Variants in TPO observed in about 807,000 individuals in gnomAD.
TPO encodes thyroid peroxidase, also known as thyroid microsomal antigen.
TPO carries 78 observed loss-of-function variants against 96.9 expected under a neutral mutation model. That is an observed-to-expected ratio of 0.81 (90% CI 0.67 to 0.97). The LOEUF (loss-of-function observed/expected upper bound fraction) is 0.97, where lower values mean the gene tolerates loss of function less well. Ranked by LOEUF, TPO falls within the 50% of genes least tolerant of loss-of-function variation. The pLI, the probability that TPO is intolerant of heterozygous loss-of-function variation, is 0.00. For missense variants in TPO, 1,252 were observed against 1,274.8 expected (o/e 0.98, Z 0.27); for synonymous variants, 547 against 538.0 (o/e 1.02, Z -0.23).
At chr2:1,514,624 C>T (rs948112559) in intron 14 of TPO, among the ~76,000 whole-genome samples, 14 of 152,186 alleles carry the variant, frequency 9.2e-5, no homozygotes, top group South Asian at 2.1e-4. Flanking sequence ...AAAGCCACTC[C>T]GGCAGCAGCC....
chr2:1,540,785 G>GTC (rs1680662320), intron 16 of TPO, 62 bp downstream of exon 16: 1 of 1,612,692 alleles, frequency 6.2e-7, no homozygotes, highest in African/African-American at 1.3e-5. Flanking sequence ...GGATCTGGGT[G>GTC]TCGGAGCAGC....
intron 15 of TPO, among the ~76,000 whole-genome samples, chr2:1,527,427 G>A (rs1340971063): frequency 4.4e-4 from 13 of 29,788 alleles, no homozygotes; most frequent in Admixed American, 2.1e-3. Flanking sequence ...CAAATCCTCC[G>A]CCACTGTGAG....
chr2:1,512,363 C>T, intron 14 of TPO: 1 of 983,350 alleles, frequency 1.0e-6, no homozygotes, highest in Non-Finnish European at 1.2e-6. Context: ...AATCCTCCTG[C>T]CTGGACACTG....
chr2:1,539,720 C>T (rs1309167736), intron 15 of TPO, among the ~76,000 whole-genome samples: 1 of 152,098 alleles, frequency 6.6e-6, no homozygotes, highest in South Asian at 2.1e-4. Context: ...CGCGTTGACA[C>T]AGGGTCACGG....
chr2:1,541,929 TGA>T (rs1193502137), intron 16 of TPO: 3 of 184,382 alleles, frequency 1.6e-5, no homozygotes, highest in Non-Finnish European at 3.4e-5. Flanking sequence ...GTCGTTCTGC[TGA>T]GAGCACATTC....
chr2:1,422,358 C>T (rs72774240), intron 2 of TPO, among the ~76,000 whole-genome samples: 15,987 of 95,460 alleles, frequency 0.17, 1,545 homozygotes, highest in African/African-American at 0.21. Flanking sequence ...CTCGTGCAGG[C>T]GCCGCGCTGG....
intron 10 of TPO, among the ~76,000 whole-genome samples, chr2:1,493,322 G>A (rs184872234): frequency 8.4e-4 from 127 of 152,032 alleles, no homozygotes; most frequent in African/African-American, 2.9e-3. Context: ...ACTAAGTGCA[G>A]GCTGGGCAAT....
At chr2:1,500,242 C>T (rs1438216556) in intron 13 of TPO, among the ~76,000 whole-genome samples, 1 of 152,142 alleles carries the variant, frequency 6.6e-6, no homozygotes, top group Non-Finnish European at 1.5e-5. Flanking sequence ...CTGGAGACCT[C>T]GGCAGCCTGA....
rs369353592 is a variant in TPO, at chr2:1,456,216, T to A, written c.753T>A (p.Ala251=). Residue 251 remains alanine (A), a synonymous_variant, in exon 7 of 17, where the codon GCT becomes GCA. Coordinates refer to ENST00000329066, the MANE Select transcript of TPO (RefSeq NM_001206744.2). ...TCACACCACAGAGCACCAGCAAAGC[T>A]GCCTTCGGGGGAGGGGCTGACTGCC... The part of the protein sequence containing the change: ...IAFTPQSTSK[A]AFGGGADCQM... 2 of 1,614,136 alleles carry A rather than the reference T, an allele frequency of 1.2e-6. No homozygotes were observed. Among genetic ancestry groups the A allele is most frequent in the Admixed American group, 3.3e-5 (2 of 60,028 alleles).
Position 1,542,516 on chromosome 2 carries a change from A to G in TPO, c.*42A>G, listed in dbSNP as rs755264246. On this transcript the variant is annotated 3_prime_UTR_variant, in exon 17 of 17. Coordinates refer to ENST00000329066, the MANE Select transcript of TPO (RefSeq NM_001206744.2). ...CACTGCAGAACAGCTTCATGTTCCC[A>G]AAATCACCGTACGACTCTTTTCCAA... is the stretch of plus-strand genomic sequence containing the variant. 2 of 1,612,964 alleles carry G rather than the reference A, an allele frequency of 1.2e-6. No homozygotes were observed. Among genetic ancestry groups the G allele is most frequent in the South Asian group, 1.1e-5 (1 of 90,690 alleles).
chr2:1,383,382 C>T (rs1355476069), intron 1 of TPO, among the ~76,000 whole-genome samples: 1 of 152,212 alleles, frequency 6.6e-6, no homozygotes, highest in Non-Finnish European at 1.5e-5. Flanking sequence ...TCCTCTCCAG[C>T]ACCTGTTGTT....
At position 1,458,268 on chromosome 2, in the gene TPO, G is replaced by A. The variant is rs151198117; in HGVS notation, c.819+1986G>A. ...AGGATATAAGATAGTGTGTGGGCAC[G>A]TGTGTATATAGCATATAAGACAGTG... On this transcript the variant is annotated intron_variant, in intron 7 of 16. Transcript: ENST00000329066. 6.6e-5 allele frequency among the ~76,000 whole-genome samples: 10 copies of A among 151,820 alleles called. No individual in the cohort carries two copies. In the East Asian group the frequency reaches 7.7e-4, roughly 12 times the overall value.
chr2:1,477,513 G>T lies in TPO; in HGVS notation c.1247G>T (p.Arg416Leu), dbSNP rs996193341. The T allele has an allele frequency of 2.6e-6, 4 of 1,532,118 alleles. No individual in the cohort carries two copies. The highest frequency in any genetic ancestry group is 2.8e-5 in the African/African-American group (2 of 72,028). The allele number at this position is 1,532,118 out of a possible 1,614,324, so 94.9% of individuals were successfully genotyped here. The part of the protein sequence containing the change: ...LHTLWLREHN[R>L]LAAALKALNA... ...ACGCTGTGGCTGCGCGAGCACAACC[G>T]CCTGGCCGCGGCGCTCAAGGCCCTC... is the stretch of plus-strand genomic sequence containing the variant. The change falls in exon 8 of 17, where the codon CGC becomes CTC. Residue 416 changes from arginine (R) to leucine (L), a missense_variant. Coordinates refer to ENST00000329066, the MANE Select transcript of TPO (RefSeq NM_001206744.2).
At chr2:1,413,053 C>T (rs1325277919), upstream of TPO, among the ~76,000 whole-genome samples, 5 of 152,090 alleles carry the variant, frequency 3.3e-5, no homozygotes, top group Non-Finnish European at 7.4e-5. Context: ...GGACAGGAAG[C>T]AAAAGGCTCA....
chr2:1,531,110 C>A (rs1678068272), intron 15 of TPO, among the ~76,000 whole-genome samples: 1 of 102,030 alleles, frequency 9.8e-6, no homozygotes, highest in Non-Finnish European at 2.0e-5. Flanking sequence ...CCCCAAATCC[C>A]CCCACTGTGT....
chr2:1,423,262 C>T lies in TPO; in HGVS notation c.179+133C>T. 8.8e-6 allele frequency: 7 copies of T among 794,132 alleles called. No homozygotes were observed. The South Asian group carries it at 1.0e-4, about 11-fold the overall frequency. 49.2% of individuals were successfully genotyped at this position (794,132 alleles called of 1,614,324 possible). A position where few individuals can be genotyped will look rare whatever the true frequency, so the allele number is the denominator to read the frequency against. The stretch of plus-strand genomic sequence containing the variant: ...AGCTTGCCATTGTTAATTTACTTCC[C>T]CAGTGTCATGTGCAAGCAGCAGACA... On this transcript the variant is annotated intron_variant, in intron 3 of 16. Transcript: ENST00000329066.
chr2:1,543,113 C>G lies in TPO; in HGVS notation c.*639C>G, dbSNP rs1680921323. The G allele has an allele frequency of 6.4e-6, 1 of 157,322 alleles. No individual in the cohort carries two copies. The highest frequency in any genetic ancestry group is 1.4e-5 in the Non-Finnish European group (1 of 71,126). 9.7% of individuals were successfully genotyped at this position (157,322 alleles called of 1,614,324 possible). On this transcript the variant is annotated 3_prime_UTR_variant, in exon 17 of 17. Transcript: ENST00000329066. ...CACTGCTCTTACTCCTCCTTATACC[C>G]TCACTCACGGGGAACACAGCCCAGT...
At chr2:1,490,942 C>G (rs945098973) in intron 10 of TPO, among the ~76,000 whole-genome samples, 2 of 152,122 alleles carry the variant, frequency 1.3e-5, no homozygotes, top group African/African-American at 2.4e-5. Flanking sequence ...GAGGCCGAGG[C>G]GGGCAGATCA....
intron 8 of TPO, among the ~76,000 whole-genome samples, chr2:1,483,995 T>C (rs888168751): frequency 1.3e-5 from 2 of 152,226 alleles, no homozygotes; most frequent in African/African-American, 2.4e-5. Context: ...TTGGATGCAG[T>C]TTATTGACCA....
Sources: gnomAD v4.1 joint callset for allele counts (sites outside exome capture counted in the v4.1 genomes callset) on GRCh38, gnomAD v4.1.1 for gene constraint, MANE v1.5 for transcripts, NCBI Gene and HGNC (gene_info 2026-07-23, HGNC 2026-07-21) for gene names.